Variants in SLCO3A1 observed in about 807,000 individuals in gnomAD.
SLCO3A1 encodes PGE1 transporter.
SLCO3A1 carries 27 observed loss-of-function variants against 63.1 expected under a neutral mutation model. That is an observed-to-expected ratio of 0.43 (90% CI 0.32 to 0.59). SLCO3A1 has a LOEUF of 0.59. Among genes scored for constraint, SLCO3A1 ranks in the 20% least tolerant of loss-of-function variants. The pLI, the probability that SLCO3A1 is intolerant of heterozygous loss-of-function variation, is 0.09. For missense variants in SLCO3A1, 773 were observed against 945.8 expected, an observed-to-expected ratio of 0.82 and a Z score of 2.40; for synonymous variants, 473 against 409.9, an observed-to-expected ratio of 1.15 and a Z score of -1.86.
intron 2 of SLCO3A1, among the ~76,000 whole-genome samples, chr15:92,030,587 A>G (rs1252429962): frequency 6.6e-6 from 1 of 152,236 alleles, no homozygotes; most frequent in African/African-American, 2.4e-5. Context: ...CTGAAGGGAT[A>G]AAATACTTGG....
At chr15:92,083,807 C>T (rs766893295) in intron 2 of SLCO3A1, among the ~76,000 whole-genome samples, 1 of 152,116 alleles carries the variant, frequency 6.6e-6, no homozygotes, top group East Asian at 1.9e-4. Context: ...TACTGTATGC[C>T]AGGCGCTGTG....
At chr15:92,061,232 A>C (rs569203625) in intron 2 of SLCO3A1, among the ~76,000 whole-genome samples, 12 of 152,120 alleles carry the variant, frequency 7.9e-5, no homozygotes, top group Admixed American at 7.9e-4. Flanking sequence ...CTCTCCTTCC[A>C]TGAGTCTAGG....
chr15:91,860,726 C>T lies in SLCO3A1; in HGVS notation c.180+6638C>T, dbSNP rs138237618. Among the ~76,000 whole-genome samples, 866 of 152,336 alleles carry T rather than the reference C, an allele frequency of 5.7e-3. 11 individuals carry two copies. Among genetic ancestry groups the T allele is most frequent in the African/African-American group, 0.02 (819 of 41,572 alleles). On this transcript the variant is annotated intron_variant, in intron 1 of 9. Transcript: ENST00000318445. The surrounding 1 kb of genome is among the most constrained non-coding windows in gnomAD (Gnocchi z 5.5). The stretch of plus-strand genomic sequence containing the variant: ...GCCCTCCAGGCAGCCTTGTTTAAAA[C>T]GTGCCTTCGCAGAGCTCAGCCTTGG...
At chr15:91,919,603 G>A (rs1898776409) in intron 2 of SLCO3A1, among the ~76,000 whole-genome samples, 1 of 152,234 alleles carries the variant, frequency 6.6e-6, no homozygotes, top group Non-Finnish European at 1.5e-5. Context: ...GTCTAGTCAT[G>A]CCTCTAGCTC....
chr15:92,122,718 CT>C (rs2047877650), intron 5 of SLCO3A1, among the ~76,000 whole-genome samples: 2 of 152,180 alleles, frequency 1.3e-5, no homozygotes, highest in Admixed American at 6.5e-5. Flanking sequence ...ATGTCCAGAG[CT>C]GTTTTATGCA....
chr15:92,155,172 T>C (rs1241403361), intron 9 of SLCO3A1: 1 of 152,252 alleles, frequency 6.6e-6, no homozygotes, highest in Non-Finnish European at 1.5e-5. Context: ...ATTGAGTCCA[T>C]CCTCCTTTAT....
intron 2 of SLCO3A1, among the ~76,000 whole-genome samples, chr15:91,970,037 A>G (rs1304565129): frequency 6.6e-6 from 1 of 152,246 alleles, no homozygotes; most frequent in Non-Finnish European, 1.5e-5. Flanking sequence ...GAAATGTTAA[A>G]AGGCAAAAAG....
chr15:92,049,104 T>C (rs145769581), intron 2 of SLCO3A1, among the ~76,000 whole-genome samples: 3 of 152,228 alleles, frequency 2.0e-5, no homozygotes, highest in African/African-American at 7.2e-5. Flanking sequence ...ATCTTAGAGA[T>C]GAGTGGTTAC....
chr15:92,073,334 C>A (rs1178977208), intron 2 of SLCO3A1, among the ~76,000 whole-genome samples: 1 of 152,164 alleles, frequency 6.6e-6, no homozygotes, highest in Non-Finnish European at 1.5e-5. Context: ...CGACATTCTA[C>A]CCCGTGGAAA....
At chr15:92,085,143 G>A (rs2047390351) in intron 2 of SLCO3A1, among the ~76,000 whole-genome samples, 2 of 152,194 alleles carry the variant, frequency 1.3e-5, no homozygotes, top group African/African-American at 4.8e-5. Context: ...CAGGTTTCCA[G>A]GCAGTTAAGT....
chr15:91,997,991 CA>C (rs1169404860), intron 2 of SLCO3A1, among the ~76,000 whole-genome samples: 1 of 152,088 alleles, frequency 6.6e-6, no homozygotes, highest in Non-Finnish European at 1.5e-5. Context: ...GCAATTGAAA[CA>C]AAAACAAATT....
Position 91,948,836 on chromosome 15 carries a change from C to G in SLCO3A1, c.646+32378C>G, listed in dbSNP as rs186485039. On this transcript the variant is annotated intron_variant, in intron 2 of 9. Transcript: ENST00000318445. The surrounding 1 kb of genome is among the most constrained non-coding windows in gnomAD (Gnocchi z 4.8). ...GGGTGGCATGTGCCAGCCTCCTTGC[C>G]AAGTGTCTCAGAGCCTGCAGAGCAC... Among the ~76,000 whole-genome samples the G allele has an allele frequency of 5.4e-4, 82 of 152,228 alleles. No individual in the cohort carries two copies. The highest frequency in any genetic ancestry group is 1.9e-3 in the African/African-American group (80 of 41,540).
At position 92,171,847 on chromosome 15, in the gene SLCO3A1, C is replaced by G. The variant is rs751921675; in HGVS notation, c.2064C>G (p.Ser688=). The G allele has an allele frequency of 1.9e-6, 3 of 1,551,376 alleles. No individual in the cohort carries two copies. In the Middle Eastern group the frequency reaches 5.0e-4, roughly 259 times the overall value. Residue 688 remains serine (S), a synonymous_variant, in exon 11 of 11, where the codon TCC becomes TCG. Coordinates refer to the SLCO3A1 transcript ENST00000424469. The stretch of plus-strand genomic sequence containing the variant: ...AATCACATTCACCTTCAGAAGACTC[C>G]TTTGTGAGAAGCTGAGGGCCTGGCC...
chr15:92,041,762 A>G (rs376850426), intron 2 of SLCO3A1, among the ~76,000 whole-genome samples: 1 of 152,232 alleles, frequency 6.6e-6, no homozygotes, highest in African/African-American at 2.4e-5. Context: ...GAGACGAAAT[A>G]CCATCTTAGG....
chr15:92,125,717 C>G (rs745608952), intron 5 of SLCO3A1, among the ~76,000 whole-genome samples: 2 of 151,952 alleles, frequency 1.3e-5, no homozygotes, highest in Non-Finnish European at 2.9e-5. Flanking sequence ...GATATGTACC[C>G]TCCCGAAGGC....
intron 1 of SLCO3A1, among the ~76,000 whole-genome samples, chr15:91,867,286 G>C (rs1897188607): frequency 6.6e-6 from 1 of 152,204 alleles, no homozygotes. Context: ...AGCAAGCACA[G>C]CTTCCTCGCA....
intron 1 of SLCO3A1, among the ~76,000 whole-genome samples, chr15:91,899,702 C>A (rs1226252869): frequency 6.6e-6 from 1 of 152,170 alleles, no homozygotes; most frequent in Non-Finnish European, 1.5e-5. Flanking sequence ...GCAGTCATCA[C>A]CACACTCAGT....
chr15:92,007,917 A>T (rs1421946004), intron 2 of SLCO3A1, among the ~76,000 whole-genome samples: 1 of 152,182 alleles, frequency 6.6e-6, no homozygotes, highest in Non-Finnish European at 1.5e-5. Flanking sequence ...TTTTGGAAGC[A>T]TCTCTTTTCA....
At chr15:91,957,389 G>C (rs564961048) in intron 2 of SLCO3A1, among the ~76,000 whole-genome samples, 1 of 151,254 alleles carries the variant, frequency 6.6e-6, no homozygotes, top group Non-Finnish European at 1.5e-5. Flanking sequence ...CAAAGCCTCC[G>C]GTGCTTCACT....
Sources: gnomAD v4.1 joint callset for allele counts (sites outside exome capture counted in the v4.1 genomes callset) on GRCh38, gnomAD v4.1.1 for gene constraint, Gnocchi (gnomAD v3.1) non-coding constraint, MANE v1.5 for transcripts, NCBI Gene and HGNC (gene_info 2026-07-23, HGNC 2026-07-21) for gene names.